CNTNAP2: variants seen among roughly 807,000 people sequenced by gnomAD.
CNTNAP2 encodes contactin associated protein 2, also known as contactin-associated protein-like 2.
CNTNAP2 carries 98 observed loss-of-function variants against 155.2 expected under a neutral mutation model. The observed-to-expected ratio is 0.63, with a 90% CI of 0.54 to 0.75. The LOEUF (loss-of-function observed/expected upper bound fraction) is 0.75, where lower values mean the gene tolerates loss of function less well. Ranked by LOEUF, CNTNAP2 falls within the 30% of genes least tolerant of loss-of-function variation. The pLI is 0.00. For missense variants in CNTNAP2, 1,727 were observed against 1,688.1 expected (o/e 1.02, Z -0.40); for synonymous variants, 651 against 631.2 (o/e 1.03, Z -0.47).
intron 4 of CNTNAP2, among the ~76,000 whole-genome samples, chr7:147,061,665 T>C (rs79074473): frequency 0.044 from 6,497 of 148,488 alleles, no homozygotes; most frequent in African/African-American, 0.14. Context: ...TCTGCTGCTT[T>C]TCCTGCAGTC....
intron 2 of CNTNAP2, among the ~76,000 whole-genome samples, chr7:146,813,470 C>T (rs185196258): frequency 5.9e-5 from 9 of 152,216 alleles, no homozygotes; most frequent in Admixed American, 5.9e-4. Context: ...GGGCCTATAG[C>T]CCCTTTGTTT....
At chr7:147,675,667 A>G (rs1285840023) in intron 13 of CNTNAP2, among the ~76,000 whole-genome samples, 2 of 152,106 alleles carry the variant, frequency 1.3e-5, no homozygotes, top group Non-Finnish European at 2.9e-5. Flanking sequence ...AGACACACCC[A>G]GAAATGATGT....
intron 1 of CNTNAP2, among the ~76,000 whole-genome samples, chr7:146,468,344 G>A (rs961935367): frequency 2.0e-5 from 3 of 151,862 alleles, no homozygotes; most frequent in African/African-American, 7.3e-5. Flanking sequence ...TTAGTACCTG[G>A]GTGACTGGAT....
At chr7:148,061,825 G>A (rs1296318733) in intron 15 of CNTNAP2, among the ~76,000 whole-genome samples, 1 of 133,374 alleles carries the variant, frequency 7.5e-6, no homozygotes, top group African/African-American at 2.9e-5. Flanking sequence ...TGTGTGTGTA[G>A]TCTAGATACC....
chr7:146,991,079 A>G (rs1798200262), intron 3 of CNTNAP2, among the ~76,000 whole-genome samples: 1 of 152,142 alleles, frequency 6.6e-6, no homozygotes, highest in Admixed American at 6.5e-5. Flanking sequence ...TAACACACAT[A>G]AATAAGGTTT....
chr7:148,343,645 C>T (rs1426545097), intron 21 of CNTNAP2, among the ~76,000 whole-genome samples: 1 of 152,140 alleles, frequency 6.6e-6, no homozygotes, highest in Non-Finnish European at 1.5e-5. Context: ...TGGAGAGGTG[C>T]TGAAAAACAG....
intron 21 of CNTNAP2, among the ~76,000 whole-genome samples, chr7:148,268,485 C>G (rs1351449821): frequency 6.6e-6 from 1 of 151,930 alleles, no homozygotes; most frequent in African/African-American, 2.4e-5. Flanking sequence ...AACCCCGTCT[C>G]TACAAAAAAA....
intron 10 of CNTNAP2, among the ~76,000 whole-genome samples, chr7:147,438,034 A>G (rs892562935): frequency 2.6e-5 from 4 of 152,122 alleles, no homozygotes; most frequent in African/African-American, 4.8e-5. Context: ...GTTTTTCCAA[A>G]TATAAGATCA....
chr7:147,442,638 G>T (rs984715207), intron 10 of CNTNAP2, among the ~76,000 whole-genome samples: 3 of 152,156 alleles, frequency 2.0e-5, no homozygotes, highest in Non-Finnish European at 4.4e-5. Flanking sequence ...CAGCAAGTGT[G>T]AATCTCACCC....
chr7:147,584,413 C>T (rs1258213777), intron 12 of CNTNAP2, among the ~76,000 whole-genome samples: 2 of 152,064 alleles, frequency 1.3e-5, no homozygotes, highest in East Asian at 3.9e-4. Flanking sequence ...TTATTTACTC[C>T]TTTGTAAAGG....
intron 1 of CNTNAP2, among the ~76,000 whole-genome samples, chr7:146,393,147 A>C (rs977198389): frequency 6.6e-6 from 1 of 152,176 alleles, no homozygotes; most frequent in Non-Finnish European, 1.5e-5. Context: ...AGAATGGTTT[A>C]TGTCAAATAC....
intron 1 of CNTNAP2, among the ~76,000 whole-genome samples, chr7:146,472,996 G>T (rs1270907143): frequency 6.6e-6 from 1 of 150,904 alleles, no homozygotes; most frequent in Non-Finnish European, 1.5e-5. Flanking sequence ...ATTTGTAGAT[G>T]TTTAGAGAGG....
chr7:146,207,637 G>GTTTTTTTTTT (rs57881187), intron 1 of CNTNAP2, among the ~76,000 whole-genome samples: 1 of 122,360 alleles, frequency 8.2e-6, no homozygotes. Flanking sequence ...ACAGGACTGT[G>GTTTTTTTTTT]TTTTTTTTTT....
At chr7:147,453,097 C>T (rs892991188) in intron 10 of CNTNAP2, among the ~76,000 whole-genome samples, 1 of 152,164 alleles carries the variant, frequency 6.6e-6, no homozygotes, top group Non-Finnish European at 1.5e-5. Flanking sequence ...GGCAGGCATA[C>T]TCCTTGCCCT....
intron 1 of CNTNAP2, among the ~76,000 whole-genome samples, chr7:146,663,940 T>TC (rs1800140435): frequency 6.6e-6 from 1 of 152,132 alleles, no homozygotes; most frequent in Non-Finnish European, 1.5e-5. Flanking sequence ...CCTGCTTTCT[T>TC]CCCAGTCTTA....
At chr7:146,914,498 G>T (rs1422641793) in intron 3 of CNTNAP2, among the ~76,000 whole-genome samples, 1 of 151,896 alleles carries the variant, frequency 6.6e-6, no homozygotes, top group African/African-American at 2.4e-5. Context: ...ATTCTTGCAG[G>T]ACTAAGAGGG....
chr7:146,226,368 T>G (rs983949767), intron 1 of CNTNAP2, among the ~76,000 whole-genome samples: 1 of 152,084 alleles, frequency 6.6e-6, no homozygotes, highest in African/African-American at 2.4e-5. Flanking sequence ...TTAAAAAAAA[T>G]TATCCTAGGG....
chr7:147,118,106 T>C (rs1801025428), intron 5 of CNTNAP2, among the ~76,000 whole-genome samples: 1 of 152,086 alleles, frequency 6.6e-6, no homozygotes, highest in Non-Finnish European at 1.5e-5. Flanking sequence ...AAAAAAATAT[T>C]ATATAAACAC....
intron 13 of CNTNAP2, among the ~76,000 whole-genome samples, chr7:147,746,528 C>T (rs61089905): frequency 6.6e-6 from 1 of 151,960 alleles, no homozygotes; most frequent in African/African-American, 2.4e-5. Context: ...CTCCCTTCTA[C>T]CCCATCACGA....
Sources: gnomAD v4.1 joint callset for allele counts (sites outside exome capture counted in the v4.1 genomes callset) on GRCh38, gnomAD v4.1.1 for gene constraint, MANE v1.5 for transcripts, NCBI Gene and HGNC (gene_info 2026-07-23, HGNC 2026-07-21) for gene names.